The following ATP8B1 variants were observed in gnomAD, a reference collection of about 807,000 sequenced individuals.
The protein encoded by ATP8B1 is phospholipid-transporting ATPase IC.
Under a neutral mutation model 149.9 loss-of-function variants are expected in ATP8B1, and 80 were observed. That is an observed-to-expected ratio of 0.53 (90% CI 0.45 to 0.64). The LOEUF (loss-of-function observed/expected upper bound fraction) is 0.64. ATP8B1 is among the 30% of genes least tolerant of loss of function. The pLI, the probability that ATP8B1 is intolerant of heterozygous loss-of-function variation, is 0.00. For missense variants in ATP8B1, 1,247 were observed against 1,552.6 expected (o/e 0.80, Z 3.31); for synonymous variants, 536 against 562.8 (o/e 0.95, Z 0.67).
At chr18:57,768,404 A>G (rs1599217475) in intron 1 of ATP8B1, among the ~76,000 whole-genome samples, 1 of 146,216 alleles carries the variant, frequency 6.8e-6, no homozygotes, top group African/African-American at 2.5e-5. Context: ...AAAAAAAAAA[A>G]AAAAAAGAAA....
chr18:57,677,326 A>G (rs1376053383), intron 15 of ATP8B1, among the ~76,000 whole-genome samples: 4 of 152,246 alleles, frequency 2.6e-5, no homozygotes, highest in Admixed American at 2.6e-4. Context: ...ACTTCAATAA[A>G]AAGTTTAAAA....
chr18:57,648,631 G>T lies in ATP8B1; in HGVS notation c.3613C>A (p.Arg1205=). The change falls in exon 28 of 28, where the codon CGG becomes AGG. Residue 1205 remains arginine, a synonymous_variant. Coordinates refer to ENST00000648908, the MANE Select transcript of ATP8B1 (RefSeq NM_001374385.1). ...TGCGAGAAGGCGTAGGCCGAGCGCC[G>T]CGTTGACACGCCCCGGCGGAACACC... The part of the protein sequence containing the change: ...QQVFRRGVST[R]RSAYAFSHQR... 1.9e-6 allele frequency: 3 copies of T among 1,602,626 alleles called. No individual in the cohort carries two copies. The South Asian group carries it at 3.3e-5, about 18-fold the overall frequency.
intron 2 of ATP8B1, among the ~76,000 whole-genome samples, chr18:57,711,999 A>G (rs1372271112): frequency 6.6e-6 from 1 of 151,320 alleles, no homozygotes; most frequent in African/African-American, 2.4e-5. Flanking sequence ...ATTTACATGT[A>G]TTACTGTTTT....
intron 15 of ATP8B1, among the ~76,000 whole-genome samples, chr18:57,681,294 CCA>C (rs935265337): frequency 2.0e-5 from 3 of 152,144 alleles, no homozygotes; most frequent in African/African-American, 2.4e-5. Flanking sequence ...AGTTCTACAA[CCA>C]CAGAGAACTG....
chr18:57,667,402 G>A (rs923109382), intron 19 of ATP8B1: 33 of 496,360 alleles, frequency 6.6e-5, no homozygotes, highest in African/African-American at 5.6e-4. Context: ...AACAATTTGT[G>A]TTTTTTCTAG....
At position 57,685,047 on chromosome 18, in the gene ATP8B1, C is replaced by G. The variant is rs550399897; in HGVS notation, c.1473+25G>C. 12 of 1,613,426 alleles carry G rather than the reference C, an allele frequency of 7.4e-6. No homozygotes were observed. The East Asian group carries it at 2.2e-4, about 30-fold the overall frequency. ...ACCCTGACATCCCCAGCATCCCAAA[C>G]GATTCTTCGGCTTAAAGGTCTTACC... On this transcript the variant is annotated intron_variant, in intron 14 of 27. Transcript: ENST00000648908.
In ATP8B1 at chr18:57,706,554, T is replaced by C; in HGVS notation, c.215A>G (p.Lys72Arg). ...CATAAAGTGAGGTTGTTCGTGGTACTTGCGATCGTTTGCTTTGACTTGCCA... is the reference window on the plus strand; with the variant it reads ...CATAAAGTGAGGTTGTTCGTGGTACCTGCGATCGTTTGCTTTGACTTGCCA... Reference protein sequence around the residue: ...CTWQVKANDRKYHEQPHFMNT... With the variant: ...CTWQVKANDRRYHEQPHFMNT... Residue 72 changes from lysine (K) to arginine (R), a missense_variant, in exon 3 of 28, where the codon AAG (lysine) becomes AGG (arginine). This residue lies in a region of ATP8B1 where 853 missense variants were observed against 1,035.7 expected (regional missense o/e 0.82). Transcript: ENST00000648908. The C allele has an allele frequency of 6.2e-7, 1 of 1,614,108 alleles. No homozygotes were observed. The highest frequency in any genetic ancestry group is 8.5e-7 in the Non-Finnish European group (1 of 1,180,002).
chr18:57,764,547 T>C (rs2080191644), intron 1 of ATP8B1, among the ~76,000 whole-genome samples: 2 of 151,718 alleles, frequency 1.3e-5, no homozygotes, highest in Admixed American at 6.6e-5. Flanking sequence ...GCCTCCTCAG[T>C]AGCTGTGATT....
chr18:57,745,478 G>A (rs555844294), intron 1 of ATP8B1, among the ~76,000 whole-genome samples: 1 of 151,906 alleles, frequency 6.6e-6, no homozygotes, highest in African/African-American at 2.4e-5. Flanking sequence ...CACCATGTTG[G>A]CAAGGCTGGT....
chr18:57,775,053 C>G lies in ATP8B1; in HGVS notation c.-26+27945G>C, dbSNP rs532694052. On this transcript the variant is annotated intron_variant, in intron 1 of 27. Transcript: ENST00000648908. ...CAGAGGTCAGGTGTGGTGGCTCATG[C>G]CTGTAATCCCAACACTTTGGGAGGC... Among the ~76,000 whole-genome samples, 3 of 137,432 alleles carry G rather than the reference C, an allele frequency of 2.2e-5. No homozygotes were observed. The South Asian group carries it at 6.8e-4, about 31-fold the overall frequency. The allele number at this position is 137,432 out of a possible 152,430, so 90.2% of individuals were successfully genotyped here.
chr18:57,742,828 A>T lies in ATP8B1; in HGVS notation c.-25-10996T>A, dbSNP rs1429388041. 3.0e-4 allele frequency among the ~76,000 whole-genome samples: 6 copies of T among 20,278 alleles called. No homozygotes were observed. In the South Asian group the frequency reaches 3.5e-3, roughly 12 times the overall value. 13.3% of individuals were successfully genotyped at this position (20,278 alleles called of 152,430 possible). A position where few individuals can be genotyped will look rare whatever the true frequency, so the allele number is the denominator to read the frequency against. On this transcript the variant is annotated intron_variant, in intron 1 of 27. Coordinates refer to ENST00000648908, the MANE Select transcript of ATP8B1 (RefSeq NM_001374385.1). ...GACAGAGCAAGACCCCATCTCTATA[A>T]AAAAAAAAAAAACAAAACAGACTGG...
rs147356844 is a variant in ATP8B1, at chr18:57,680,878, G to T, written c.1630+3158C>A. On this transcript the variant is annotated intron_variant, in intron 15 of 27. Coordinates refer to ENST00000648908, the MANE Select transcript of ATP8B1 (RefSeq NM_001374385.1). ...GATCATTAACTCAGAACCTCCAGGT[G>T]AAGTGAAGGCTTCCAAGCCTTCCAC... 1.2e-4 allele frequency among the ~76,000 whole-genome samples: 18 copies of T among 152,248 alleles called. No homozygotes were observed. In the East Asian group the frequency reaches 3.3e-3, roughly 28 times the overall value.
At chr18:57,776,457 G>A (rs1251977902) in intron 1 of ATP8B1, among the ~76,000 whole-genome samples, 1 of 152,230 alleles carries the variant, frequency 6.6e-6, no homozygotes, top group Non-Finnish European at 1.5e-5. Flanking sequence ...GTTAAGACAA[G>A]TGACGGAGGT....
intron 1 of ATP8B1, among the ~76,000 whole-genome samples, chr18:57,778,095 A>T (rs1465516265): frequency 6.6e-6 from 1 of 152,240 alleles, no homozygotes; most frequent in Non-Finnish European, 1.5e-5. Flanking sequence ...AGCTCCCCAC[A>T]TGCAAGCGGC....
In ATP8B1 at chr18:57,711,217, A is replaced by G. The variant is rs148110193; in HGVS notation, c.182-4630T>C. On this transcript the variant is annotated intron_variant, in intron 2 of 27. Coordinates refer to ENST00000648908, the MANE Select transcript of ATP8B1 (RefSeq NM_001374385.1). The stretch of plus-strand genomic sequence containing the variant: ...CATGTACCTACTGCAGGGATTTTCA[A>G]TGCAGCCCTATTTATCAGAACGACT... Among the ~76,000 whole-genome samples the G allele has an allele frequency of 5.9e-3, 902 of 152,312 alleles. 9 individuals carry two copies. Among genetic ancestry groups the G allele is most frequent in the African/African-American group, 0.021 (869 of 41,572 alleles).
At chr18:57,688,747 C>A in intron 12 of ATP8B1, 1 of 516,102 alleles carries the variant, frequency 1.9e-6, no homozygotes, top group South Asian at 2.1e-5. Context: ...GGATTAGTGC[C>A]CTTATTAAAG....
intron 2 of ATP8B1, among the ~76,000 whole-genome samples, chr18:57,718,839 A>T (rs1164900396): frequency 6.6e-6 from 1 of 152,204 alleles, no homozygotes; most frequent in African/African-American, 2.4e-5. Flanking sequence ...TGATAAAAAA[A>T]ATCCTCAAAA....
At chr18:57,769,300 A>G (rs2080246101) in intron 1 of ATP8B1, among the ~76,000 whole-genome samples, 1 of 152,190 alleles carries the variant, frequency 6.6e-6, no homozygotes, top group African/African-American at 2.4e-5. Flanking sequence ...CTGCCCTGCC[A>G]GATCTGATTG....
chr18:57,776,338 G>A (rs900184946), intron 1 of ATP8B1, among the ~76,000 whole-genome samples: 3 of 152,196 alleles, frequency 2.0e-5, no homozygotes, highest in South Asian at 2.1e-4. Context: ...GTACCACCTC[G>A]CATTCATGTG....
Sources: allele counts gnomAD v4.1 joint callset (sites outside exome capture counted in the v4.1 genomes callset), GRCh38; gene constraint gnomAD v4.1.1; regional missense constraint gnomAD v4.1.1; transcripts MANE v1.5; gene names NCBI Gene and HGNC (gene_info 2026-07-23, HGNC 2026-07-21).